C2orf42: variants seen among roughly 807,000 people sequenced by gnomAD.
C2orf42 encodes uncharacterized protein C2orf42.
C2orf42 carries 44 observed loss-of-function variants against 58.9 expected under a neutral mutation model. The observed-to-expected ratio is 0.75, with a 90% CI of 0.59 to 0.96. The LOEUF is 0.96. Ranked by LOEUF, C2orf42 falls within the 40% of genes least tolerant of loss-of-function variation. The probability of loss-of-function intolerance (pLI) is 0.00; values close to 1 mark genes in which losing one functional copy is unlikely to be tolerated. For synonymous variants in C2orf42, 239 were observed against 265.4 expected, an observed-to-expected ratio of 0.90 and a Z score of 0.97; for missense variants, 630 against 699.2, an observed-to-expected ratio of 0.90 and a Z score of 1.12.
At chr2:70,176,783 T>C (rs932075922) in intron 4 of C2orf42, among the ~76,000 whole-genome samples, 4 of 152,154 alleles carry the variant, frequency 2.6e-5, no homozygotes, top group Non-Finnish European at 5.9e-5. Flanking sequence ...CATGCACCAC[T>C]GCACCCAGAC....
intron 2 of C2orf42, 31 bp from the exon 3 acceptor site, chr2:70,182,028 G>T: frequency 1.0e-6 from 1 of 983,384 alleles, no homozygotes; most frequent in Non-Finnish European, 1.6e-6. Flanking sequence ...AACAGTATGA[G>T]TATACCTTCA....
intron 8 of C2orf42, among the ~76,000 whole-genome samples, chr2:70,161,282 C>T (rs988737197): frequency 8.5e-5 from 13 of 152,146 alleles, no homozygotes; most frequent in Admixed American, 6.6e-4. Flanking sequence ...TGTTTTCTCA[C>T]GGGCAAAATG....
At position 70,181,843 on chromosome 2, in the gene C2orf42, C is replaced by T. The variant is rs762918295; in HGVS notation, c.143G>A (p.Gly48Glu). Residue 48 changes from glycine to glutamate, a missense_variant, in exon 3 of 10, where the codon GGA becomes GAA. Transcript: ENST00000264434. ...RGLSCKNKTC[G>E]TIFRYGARKQ... is the part of the protein sequence containing the mutation. The stretch of plus-strand genomic sequence containing the variant: ...GCGTGCACCGTAGCGGAATATGGTT[C>T]CACATGTCTTGTTCTTACAGCTCAG... 1 of 1,614,118 alleles carries T rather than the reference C, an allele frequency of 6.2e-7. No homozygotes were observed. Among genetic ancestry groups the T allele is most frequent in the Admixed American group, 1.7e-5 (1 of 59,990 alleles).
chr2:70,180,950 G>A (rs564079647), intron 3 of C2orf42, among the ~76,000 whole-genome samples: 4 of 140,884 alleles, frequency 2.8e-5, no homozygotes, highest in Non-Finnish European at 6.0e-5. Context: ...GCTGTGAGCT[G>A]TGATCAGGCC....
At chr2:70,165,690 T>C in intron 6 of C2orf42, 55 bp from the exon 7 acceptor site, 1 of 922,414 alleles carries the variant, frequency 1.1e-6, no homozygotes, top group Non-Finnish European at 1.8e-6. Flanking sequence ...GACTTTCTGA[T>C]GTACAGGGAG....
chr2:70,156,104 G>A (rs1244595302), intron 9 of C2orf42, among the ~76,000 whole-genome samples: 2 of 152,002 alleles, frequency 1.3e-5, no homozygotes, highest in East Asian at 1.9e-4. Flanking sequence ...GCGGTGAGCC[G>A]AGATTGCCCC....
At chr2:70,170,502 C>T (rs1673736888) in intron 5 of C2orf42, among the ~76,000 whole-genome samples, 1 of 151,934 alleles carries the variant, frequency 6.6e-6, no homozygotes, top group Non-Finnish European at 1.5e-5. Context: ...CACGCCTTGG[C>T]CTCCCAAAGT....
At chr2:70,166,375 G>GAA (rs1673404278) in intron 6 of C2orf42, among the ~76,000 whole-genome samples, 1 of 144,756 alleles carries the variant, frequency 6.9e-6, no homozygotes, top group African/African-American at 2.6e-5. Context: ...AAAAAGAAAA[G>GAA]AAAAGAGAGG....
chr2:70,163,364 C>A (rs973001965), intron 8 of C2orf42, among the ~76,000 whole-genome samples: 1 of 151,814 alleles, frequency 6.6e-6, no homozygotes, highest in African/African-American at 2.4e-5. Flanking sequence ...CCTGACTCAG[C>A]CTCCCGAGTA....
chr2:70,150,800 C>T (rs562655409), intron 9 of C2orf42, among the ~76,000 whole-genome samples: 2 of 152,310 alleles, frequency 1.3e-5, no homozygotes, highest in Non-Finnish European at 2.9e-5. Flanking sequence ...GGCTGGAGTG[C>T]AGTGGCGCAA....
chr2:70,185,774 C>T (rs1210433620), intron 1 of C2orf42, among the ~76,000 whole-genome samples: 26 of 148,728 alleles, frequency 1.7e-4, no homozygotes, highest in South Asian at 1.1e-3. Flanking sequence ...TATATACACA[C>T]ATATATATAT....
Position 70,180,548 on chromosome 2 carries a change from C to T in C2orf42, c.823+615G>A, listed in dbSNP as rs138936530. Among the ~76,000 whole-genome samples the T allele has an allele frequency of 4.1e-4, 51 of 123,352 alleles. No individual in the cohort carries two copies. In the East Asian group the frequency reaches 0.011, roughly 28 times the overall value. 80.9% of individuals were successfully genotyped at this position (123,352 alleles called of 152,430 possible). Reference sequence around the variant, plus strand: ...CCTTGAACCCAGGAGGCAGGGGTTGCGGTGAGCCAAGGTTGTGCTACTGCA... The same window carrying T: ...CCTTGAACCCAGGAGGCAGGGGTTGTGGTGAGCCAAGGTTGTGCTACTGCA... On this transcript the variant is annotated intron_variant, in intron 3 of 9. Coordinates refer to ENST00000264434, the MANE Select transcript of C2orf42 (RefSeq NM_017880.3).
chr2:70,166,923 A>G (rs904416439), intron 6 of C2orf42, among the ~76,000 whole-genome samples: 1 of 152,166 alleles, frequency 6.6e-6, no homozygotes, highest in African/African-American at 2.4e-5. Context: ...AACTAATGAC[A>G]TGCTCTCTCA....
intron 3 of C2orf42, among the ~76,000 whole-genome samples, 163 bp downstream of exon 3, chr2:70,181,000 C>CAA (rs58297085): frequency 9.9e-5 from 6 of 60,394 alleles, no homozygotes; most frequent in Admixed American, 2.4e-4. Flanking sequence ...GACCTTGTCT[C>CAA]AAAAAAAAAA....
In C2orf42 at chr2:70,181,864, C is replaced by T; in HGVS notation, c.122G>A (p.Ser41Asn). The T allele has an allele frequency of 1.9e-6, 3 of 1,614,072 alleles. No individual in the cohort carries two copies. Among genetic ancestry groups the T allele is most frequent in the Non-Finnish European group, 2.5e-6 (3 of 1,179,950 alleles). Residue 41 changes from serine (S) to asparagine (N), a missense_variant, in exon 3 of 10, where the codon AGC becomes AAC. Physicochemically the swap from Ser to Asn is conservative, Grantham distance 46 (BLOSUM62 1). Coordinates refer to ENST00000264434, the MANE Select transcript of C2orf42 (RefSeq NM_017880.3). The stretch of plus-strand genomic sequence containing the variant: ...GGTTCCACATGTCTTGTTCTTACAG[C>T]TCAGTCCCCGGGTTCCATTGTATGT... Reference protein sequence around the residue: ...CGTYNGTRGLSCKNKTCGTIF... With the variant: ...CGTYNGTRGLNCKNKTCGTIF...
Position 70,165,127 on chromosome 2 carries a change from T to A in C2orf42, c.1318A>T (p.Ile440Phe). The A allele has an allele frequency of 6.2e-7, 1 of 1,608,458 alleles. No individual in the cohort carries two copies. The highest frequency in any genetic ancestry group is 2.2e-5 in the East Asian group (1 of 44,824). The change falls in exon 8 of 10, where the codon ATC becomes TTC. Residue 440 changes from isoleucine (I) to phenylalanine (F), a missense_variant. By Grantham distance (21) the Ile-to-Phe change is conservative. Transcript: ENST00000264434. Reference protein sequence around the residue: ...FSKYTWHITNILQVKQILDTP... With the variant: ...FSKYTWHITNFLQVKQILDTP... ...TCTAAGATTTGTTTAACTTGCAGGA[T>A]ATTAGTGATATGCCAAGTATACTTG...
chr2:70,188,124 A>G (rs1051113930), intron 1 of C2orf42, among the ~76,000 whole-genome samples: 1 of 152,188 alleles, frequency 6.6e-6, no homozygotes, highest in East Asian at 1.9e-4. Flanking sequence ...ACATTGGTAC[A>G]ACACTATTAA....
intron 1 of C2orf42, chr2:70,190,251 C>G (rs1412747204): frequency 6.6e-6 from 1 of 152,124 alleles, no homozygotes; most frequent in East Asian, 1.9e-4. Context: ...GGGAGAGTGT[C>G]AAGGGACTGG....
At chr2:70,190,407 A>T (rs1675270680) in intron 1 of C2orf42, 1 of 152,252 alleles carries the variant, frequency 6.6e-6, no homozygotes. Context: ...CTAGCTGAGT[A>T]CACTGCGTGT....
Sources: allele counts gnomAD v4.1 joint callset (sites outside exome capture counted in the v4.1 genomes callset), GRCh38; gene constraint gnomAD v4.1.1; transcripts MANE v1.5; gene names NCBI Gene and HGNC (gene_info 2026-07-23, HGNC 2026-07-21).